DSG4: variants seen among roughly 807,000 people sequenced by gnomAD.
The protein encoded by DSG4 is desmoglein 4.
A neutral mutation model predicts 93.1 loss-of-function variants in DSG4; 87 were observed. That is an observed-to-expected ratio of 0.93 (90% CI 0.79 to 1.12). The LOEUF (loss-of-function observed/expected upper bound fraction) is 1.12, where lower values mean the gene tolerates loss of function less well. DSG4 is among the 50% of genes most tolerant of loss of function. The probability of loss-of-function intolerance (pLI) is 0.00; values close to 1 mark genes in which losing one functional copy is unlikely to be tolerated. For synonymous variants in DSG4, 432 were observed against 452.9 expected (o/e 0.95, Z 0.59); for missense variants, 1,373 against 1,285.7 (o/e 1.07, Z -1.04).
chr18:31,413,631 C>A lies in DSG4; in HGVS notation c.*36C>A. On this transcript the variant is annotated 3_prime_UTR_variant, in exon 16 of 16. Coordinates refer to ENST00000308128, the MANE Select transcript of DSG4 (RefSeq NM_177986.5). ...GTCAGTATTCTATGTGGAGACCTTG[C>A]ACCTTGTAATCATCAATACATCCAC... 1 of 1,605,504 alleles carries A rather than the reference C, an allele frequency of 6.2e-7. No individual in the cohort carries two copies. The highest frequency in any genetic ancestry group is 8.5e-7 in the Non-Finnish European group (1 of 1,178,144).
chr18:31,409,220 C>T (rs1251598709), intron 12 of DSG4, among the ~76,000 whole-genome samples: 6 of 152,172 alleles, frequency 3.9e-5, no homozygotes, highest in African/African-American at 7.2e-5. Context: ...ATTACCTGAT[C>T]GCAAACTCCT....
At chr18:31,410,347 A>G (rs1048763620) in intron 14 of DSG4, among the ~76,000 whole-genome samples, 2 of 149,782 alleles carry the variant, frequency 1.3e-5, no homozygotes, top group Non-Finnish European at 1.5e-5. Context: ...TATGTAATAT[A>G]TAATACATAC....
intron 1 of DSG4, among the ~76,000 whole-genome samples, chr18:31,382,772 A>G (rs1598734473): frequency 6.6e-6 from 1 of 152,226 alleles, no homozygotes; most frequent in East Asian, 1.9e-4. Context: ...CCACAAATAT[A>G]CTATGGAAGC....
chr18:31,411,520 G>T (rs2072493020), intron 15 of DSG4, 72 bp downstream of exon 15: 6 of 1,530,322 alleles, frequency 3.9e-6, no homozygotes, highest in Non-Finnish European at 9.0e-7. Flanking sequence ...ACTCACAATG[G>T]TAGTAGGCCT....
intron 1 of DSG4, among the ~76,000 whole-genome samples, chr18:31,381,181 C>T (rs1370245314): frequency 6.6e-6 from 1 of 152,088 alleles, no homozygotes; most frequent in Admixed American, 6.6e-5. Context: ...TATTTCCCAC[C>T]CACATGTTGA....
At chr18:31,396,545 G>T (rs1425482230) in intron 8 of DSG4, among the ~76,000 whole-genome samples, 1 of 151,750 alleles carries the variant, frequency 6.6e-6, no homozygotes, top group Non-Finnish European at 1.5e-5. Flanking sequence ...AGTAGAGACG[G>T]GGTTTCACCA....
At chr18:31,395,357 A>AT (rs1420681840) in intron 8 of DSG4, among the ~76,000 whole-genome samples, 1 of 152,022 alleles carries the variant, frequency 6.6e-6, no homozygotes, top group African/African-American at 2.4e-5. Flanking sequence ...AGCCCTATCT[A>AT]TTTTTTTCTG....
intron 3 of DSG4, 81 bp from the exon 4 acceptor site, chr18:31,388,286 C>T (rs909752067): frequency 1.1e-5 from 16 of 1,521,326 alleles, no homozygotes; most frequent in African/African-American, 1.4e-5. Flanking sequence ...GGTAAAGAAA[C>T]CCACTCCCTT....
chr18:31,399,360 T>C lies in DSG4; in HGVS notation c.1094T>C (p.Phe365Ser), dbSNP rs1028386849. Residue 365 changes from phenylalanine (F) to serine (S), a missense_variant, in exon 9 of 16, where the codon TTC (phenylalanine) becomes TCC (serine). Coordinates refer to ENST00000308128, the MANE Select transcript of DSG4 (RefSeq NM_177986.5). ...TTTCACTACTCCGTTGCTTCTCAAT[T>C]CCAAATGCACCCAACCCCTGTGAGA... ...ADFHYSVASQ[F>S]QMHPTPVRIQ... is the part of the protein sequence containing the mutation. 7 of 1,613,968 alleles carry C rather than the reference T, an allele frequency of 4.3e-6. No individual in the cohort carries two copies. In the Admixed American group the frequency reaches 1.0e-4, roughly 23 times the overall value.
At chr18:31,378,988 TTGTGTCAGCTACA>T (rs2072106110) in intron 1 of DSG4, among the ~76,000 whole-genome samples, 1 of 152,118 alleles carries the variant, frequency 6.6e-6, no homozygotes, top group African/African-American at 2.4e-5. Flanking sequence ...CACAGGTACT[TTGTGTCAGCTACA>T]TCTCAACCGC....
chr18:31,408,182 T>C (rs1227659926), intron 12 of DSG4, among the ~76,000 whole-genome samples: 1 of 152,180 alleles, frequency 6.6e-6, no homozygotes, highest in Non-Finnish European at 1.5e-5. Flanking sequence ...CAAACCTATG[T>C]TCCCAAAGGG....
intron 1 of DSG4, among the ~76,000 whole-genome samples, chr18:31,383,041 T>C (rs1442428181): frequency 6.6e-6 from 1 of 152,242 alleles, no homozygotes; most frequent in African/African-American, 2.4e-5. Flanking sequence ...TTTCAAGTCC[T>C]TAAAAATGAT....
At chr18:31,394,231 T>A (rs2072280010) in intron 8 of DSG4, among the ~76,000 whole-genome samples, 1 of 152,066 alleles carries the variant, frequency 6.6e-6, no homozygotes, top group Non-Finnish European at 1.5e-5. Context: ...TAACCAAAAG[T>A]TTTTCAATTC....
At position 31,411,259 on chromosome 18, in the gene DSG4, G is replaced by A. The variant is rs74755361; in HGVS notation, c.2166G>A (p.Gly722=). 3.2e-3 allele frequency: 5,219 copies of A among 1,613,800 alleles called. 28 individuals are homozygous for A. The highest frequency in any genetic ancestry group is 0.011 in the South Asian group (998 of 91,086). Residue 722 remains glycine, a synonymous_variant, in exon 15 of 16, where the codon GGG becomes GGA. Transcript: ENST00000308128. ...SEIYTNTYAA[G]GTVEGGVSGV... ...TCTACACCAACACCTATGCAGCCGG[G>A]GGCACGGTGGAAGGAGGTGTATCGG...
rs1430375851 is a variant in DSG4, at chr18:31,385,175, A to C, written c.84+4A>C. On this transcript the variant is annotated splice_donor_region_variant and intron_variant, in intron 2 of 15. Coordinates refer to ENST00000308128, the MANE Select transcript of DSG4 (RefSeq NM_177986.5). ...AAACAGTGAATTTATTGTTGAGGTA[A>C]TGTAAAATAAAATTATTTTCTCAAT... The C allele has an allele frequency of 6.4e-7, 1 of 1,574,764 alleles. No individual in the cohort carries two copies. Among genetic ancestry groups the C allele is most frequent in the South Asian group, 1.2e-5 (1 of 84,668 alleles).
Position 31,390,666 on chromosome 18 carries a change from A to AGTAAAGTTATG in DSG4, c.529_539dup (p.Cys180TrpfsTer2), listed in dbSNP as rs1373546482. ...CATTTCTATTTCTAGATACATTGGT[A>AGTAAAGTTATG]GTAAAGTTATGTGCCACAGATGCAG... On this transcript the variant is annotated frameshift_variant, in exon 6 of 16. Coordinates refer to ENST00000308128, the MANE Select transcript of DSG4 (RefSeq NM_177986.5). LOFTEE classifies it high-confidence loss of function. 2 of 1,613,420 alleles carry AGTAAAGTTATG rather than the reference A, an allele frequency of 1.2e-6. No individual in the cohort carries two copies. Among genetic ancestry groups the AGTAAAGTTATG allele is most frequent in the African/African-American group, 2.7e-5 (2 of 74,886 alleles).
At chr18:31,396,354 CTTTTTTTTTTTTT>C (rs71383035) in intron 8 of DSG4, among the ~76,000 whole-genome samples, 8 of 74,008 alleles carry the variant, frequency 1.1e-4, no homozygotes, top group Middle Eastern at 0.01. Flanking sequence ...AGGGTCATTG[CTTTTTTTTTTTTT>C]TTTTTTTTTT....
At chr18:31,377,092 C>T in intron 1 of DSG4, 133 bp downstream of exon 1, 1 of 1,017,358 alleles carries the variant, frequency 9.8e-7, no homozygotes. Context: ...GAAGTCCAGC[C>T]TCTGTTAATT....
chr18:31,393,531 G>A (rs888642191), intron 8 of DSG4, among the ~76,000 whole-genome samples: 2 of 152,118 alleles, frequency 1.3e-5, no homozygotes, highest in Non-Finnish European at 2.9e-5. Flanking sequence ...CTAGACTCCT[G>A]TAAACAACCA....
Sources: allele counts gnomAD v4.1 joint callset (sites outside exome capture counted in the v4.1 genomes callset), GRCh38; gene constraint gnomAD v4.1.1; transcripts MANE v1.5; gene names NCBI Gene and HGNC (gene_info 2026-07-23, HGNC 2026-07-21).